Variants in MRPS27 observed in about 807,000 individuals in gnomAD.
MRPS27 encodes the protein mitochondrial ribosomal protein S27.
Under a neutral mutation model 48.9 loss-of-function variants are expected in MRPS27, and 43 were observed. The ratio of observed to expected loss-of-function variants is 0.88; its 90% CI spans 0.69 to 1.13. MRPS27 has a LOEUF of 1.13. MRPS27 is among the 50% of genes most tolerant of loss of function. MRPS27 has a pLI of 0.00. For missense variants in MRPS27, 467 were observed against 476.3 expected, an observed-to-expected ratio of 0.98 and a Z score of 0.18; for synonymous variants, 188 against 171.9, an observed-to-expected ratio of 1.09 and a Z score of -0.73.
chr5:72,227,497 A>G (rs1479997694), intron 8 of MRPS27: 1 of 152,202 alleles, frequency 6.6e-6, no homozygotes, highest in Admixed American at 6.5e-5. Flanking sequence ...CTATAACTTT[A>G]TGATTTTTAA....
chr5:72,220,774 A>T lies in MRPS27; in HGVS notation c.*135T>A. 7.7e-7 allele frequency: 1 copy of T among 1,302,736 alleles called. No homozygotes were observed. The allele number at this position is 1,302,736 out of a possible 1,614,324, so 80.7% of individuals were successfully genotyped here. A position where few individuals can be genotyped will look rare whatever the true frequency, so the allele number is the denominator to read the frequency against. On this transcript the variant is annotated 3_prime_UTR_variant, in exon 11 of 11. Coordinates refer to ENST00000261413, the MANE Select transcript of MRPS27 (RefSeq NM_015084.3). ...CGATGGGCAGTCATGGTGCCTTGCC[A>T]TGTAGGGCACATAGCCTGCTTTAAG...
rs1372509309 is a variant in MRPS27, at chr5:72,226,328, T to G, written c.695-129A>C. The G allele has an allele frequency of 2.7e-6, 3 of 1,101,986 alleles. 1 individual carries two copies. The South Asian group carries it at 4.4e-5, about 16-fold the overall frequency. The allele number at this position is 1,101,986 out of a possible 1,614,324, so 68.3% of individuals were successfully genotyped here. The stretch of plus-strand genomic sequence containing the variant: ...AAATAGAGAAGGATCATTTTAAATC[T>G]GTACCAACAGACTCATCTCATTCGG... On this transcript the variant is annotated intron_variant, in intron 8 of 10. Coordinates refer to ENST00000261413, the MANE Select transcript of MRPS27 (RefSeq NM_015084.3).
intron 5 of MRPS27, 46 bp downstream of exon 5, chr5:72,237,968 C>CAT (rs1748246561): frequency 3.0e-6 from 4 of 1,343,586 alleles, no homozygotes; most frequent in Non-Finnish European, 4.3e-6. Flanking sequence ...AACACCATAT[C>CAT]ACCTAAACTC....
chr5:72,313,658 T>C (rs947510817), intron 2 of MRPS27, among the ~76,000 whole-genome samples: 5 of 152,214 alleles, frequency 3.3e-5, no homozygotes, highest in Admixed American at 2.6e-4. Flanking sequence ...GATTGTAACA[T>C]TGCCTTCAAA....
chr5:72,244,134 T>TA (rs1748441918), intron 4 of MRPS27, among the ~76,000 whole-genome samples: 1 of 152,106 alleles, frequency 6.6e-6, no homozygotes, highest in African/African-American at 2.4e-5. Context: ...AGCTTGTGAG[T>TA]AGTTTTTTTT....
intron 6 of MRPS27, 40 bp downstream of exon 6, chr5:72,234,079 G>A (rs1748133572): frequency 6.9e-7 from 1 of 1,447,438 alleles, no homozygotes; most frequent in Non-Finnish European, 9.1e-7. Flanking sequence ...TTTGGGAGCT[G>A]GAAGCCCTAT....
intron 7 of MRPS27, chr5:72,229,544 G>A (rs548421342): frequency 1.3e-4 from 19 of 151,830 alleles, no homozygotes; most frequent in African/African-American, 3.9e-4. Flanking sequence ...AAGTAGGGCC[G>A]ACAAATAATA....
chr5:72,238,735 T>C (rs1010843473), intron 4 of MRPS27, among the ~76,000 whole-genome samples: 56 of 152,296 alleles, frequency 3.7e-4, no homozygotes, highest in African/African-American at 1.2e-3. Context: ...CATCAGTTTA[T>C]CCCTTACTTC....
chr5:72,272,234 A>AT (rs905600404), intron 4 of MRPS27, among the ~76,000 whole-genome samples: 43 of 152,314 alleles, frequency 2.8e-4, no homozygotes, highest in African/African-American at 1.0e-3. Flanking sequence ...GGGAAGAGCC[A>AT]TATCAGGCCT....
chr5:72,300,764 CT>C (rs1197355162), intron 2 of MRPS27, among the ~76,000 whole-genome samples: 1 of 152,230 alleles, frequency 6.6e-6, no homozygotes, highest in Non-Finnish European at 1.5e-5. Flanking sequence ...CTTGTTTTAA[CT>C]ACTGTCCCCA....
chr5:72,228,600 A>G, intron 7 of MRPS27: 1 of 378,116 alleles, frequency 2.6e-6, no homozygotes, highest in Non-Finnish European at 4.7e-6. Flanking sequence ...CAGTGAAATT[A>G]TGAGTAATTT....
chr5:72,278,464 AT>A (rs1259750942), intron 4 of MRPS27, among the ~76,000 whole-genome samples: 36 of 139,990 alleles, frequency 2.6e-4, no homozygotes, highest in Admixed American at 4.9e-4. Context: ...AAAAAAAAAA[AT>A]TTAAAGTCTG....
In MRPS27 at chr5:72,226,143, A is replaced by G. The variant is rs1358121268; in HGVS notation, c.751T>C (p.Trp251Arg). 3.7e-6 allele frequency: 6 copies of G among 1,613,760 alleles called. No homozygotes were observed. Among genetic ancestry groups the G allele is most frequent in the Non-Finnish European group, 5.1e-6 (6 of 1,179,858 alleles). Residue 251 changes from tryptophan (W) to arginine (R), a missense_variant, in exon 9 of 11, where the codon TGG (tryptophan) becomes CGG (arginine). Transcript: ENST00000261413. ...RAVYHNMPLI[W>R]KPGYLDRALQ... ...GCTCTGTCAAGGTAGCCTGGTTTCCATATCAGAGGCATGTTGTGGTACACA... is the reference window on the plus strand; with the variant it reads ...GCTCTGTCAAGGTAGCCTGGTTTCCGTATCAGAGGCATGTTGTGGTACACA...
intron 9 of MRPS27, among the ~76,000 whole-genome samples, chr5:72,225,323 G>A (rs1747862306): frequency 6.6e-6 from 1 of 152,200 alleles, no homozygotes; most frequent in Admixed American, 6.5e-5. Context: ...AAACAAATAT[G>A]TGGCTCTACG....
chr5:72,267,216 G>GCTAA (rs1749126873), intron 4 of MRPS27, among the ~76,000 whole-genome samples: 1 of 152,166 alleles, frequency 6.6e-6, no homozygotes, highest in Admixed American at 6.5e-5. Flanking sequence ...AGTGCTTACT[G>GCTAA]CTAACCACAT....
rs553236864 is a variant in MRPS27 at position 72,314,466 on chromosome 5, G to T, written c.74-308C>A. On this transcript the variant is annotated intron_variant, in intron 1 of 10. Transcript: ENST00000261413. ...TATTCACAGGCACAATCCCACTACTGATCGGCACAGGAATTTTGATGTGCT... is the reference window on the plus strand; with the variant it reads ...TATTCACAGGCACAATCCCACTACTTATCGGCACAGGAATTTTGATGTGCT... The T allele has an allele frequency of 5.5e-5, 11 of 201,710 alleles. No individual in the cohort carries two copies. In the South Asian group the frequency reaches 1.0e-3, roughly 19 times the overall value. The allele number at this position is 201,710 out of a possible 1,614,324, so 12.5% of individuals were successfully genotyped here. A position where few individuals can be genotyped will look rare whatever the true frequency, so the allele number is the denominator to read the frequency against.
chr5:72,249,228 T>TATTACAAC (rs959335477), intron 4 of MRPS27, among the ~76,000 whole-genome samples: 2 of 152,206 alleles, frequency 1.3e-5, no homozygotes, highest in Non-Finnish European at 2.9e-5. Context: ...TGAAATTACT[T>TATTACAAC]ATTACAACAG....
At chr5:72,282,260 A>G (rs1489016736) in intron 4 of MRPS27, among the ~76,000 whole-genome samples, 3 of 152,222 alleles carry the variant, frequency 2.0e-5, no homozygotes, top group Non-Finnish European at 1.5e-5. Context: ...GATGCAATCA[A>G]CTGAAACTTC....
chr5:72,244,643 CT>C (rs1748457730), intron 4 of MRPS27, among the ~76,000 whole-genome samples: 1 of 152,082 alleles, frequency 6.6e-6, no homozygotes, highest in Admixed American at 6.5e-5. Flanking sequence ...GATCTATATT[CT>C]TTACCCACTG....
Sources: allele counts gnomAD v4.1 joint callset (sites outside exome capture counted in the v4.1 genomes callset), GRCh38; gene constraint gnomAD v4.1.1; transcripts MANE v1.5; gene names NCBI Gene and HGNC (gene_info 2026-07-23, HGNC 2026-07-21).